Variants in IMMP2L observed in about 807,000 individuals in gnomAD.
IMMP2L encodes inner mitochondrial membrane peptidase subunit 2.
In IMMP2L, 18 loss-of-function variants were observed where a neutral mutation model predicts 19.3. The observed-to-expected ratio is 0.93, with a 90% CI of 0.64 to 1.38. The LOEUF is 1.38. Among genes scored for constraint, IMMP2L ranks in the 40% most tolerant of loss-of-function variants. IMMP2L has a pLI of 0.00. For synonymous variants in IMMP2L, 76 were observed against 73.0 expected (o/e 1.04, Z -0.21); for missense variants, 233 against 218.2 (o/e 1.07, Z -0.43).
rs1184981657 is a variant in IMMP2L, at chr7:111,516,692, CA to C, written c.135+4620del. ...GAACACACGTTTGTTGCTATAAATA[CA>C]AAGTCTCTATTAATGACAGGTTACA... On this transcript the variant is annotated intron_variant, in intron 2 of 5. Coordinates refer to ENST00000405709, the MANE Select transcript of IMMP2L (RefSeq NM_032549.4). Among the ~76,000 whole-genome samples, 6 of 152,176 alleles carry C rather than the reference CA, an allele frequency of 3.9e-5. No homozygotes were observed. In the East Asian group the frequency reaches 1.2e-3, roughly 29 times the overall value.
chr7:111,008,202 C>A (rs2129562835), intron 3 of IMMP2L, among the ~76,000 whole-genome samples: 1 of 152,106 alleles, frequency 6.6e-6, no homozygotes, highest in East Asian at 1.9e-4. Context: ...TTGTTATATT[C>A]CTTTGCTCAC....
At chr7:110,963,439 T>C (rs1819177476) in intron 4 of IMMP2L, 61 bp downstream of exon 4, 3 of 1,170,344 alleles carry the variant, frequency 2.6e-6, no homozygotes, top group South Asian at 1.4e-5. Flanking sequence ...TCCCAAGTAA[T>C]GTAGGTAACA....
At chr7:111,137,133 G>C (rs1268529329) in intron 3 of IMMP2L, among the ~76,000 whole-genome samples, 1 of 152,054 alleles carries the variant, frequency 6.6e-6, no homozygotes, top group African/African-American at 2.4e-5. Context: ...AAAATATGGT[G>C]GGTTAGTTCA....
Position 111,281,210 on chromosome 7 carries a change from GAAAGAAAAAGAAAGAAAGAAAGAAAGAAA to G in IMMP2L, c.239+205999_239+206027del, listed in dbSNP as rs1819795679. ...AGAAAGAAAGAAAGAAAGAAAGAAA[GAAAGAAAAAGAAAGAAAGAAAGAAAGAAA>G]GAAAGAAGAGAGAGAGAGAAAGAGA... On this transcript the variant is annotated intron_variant, in intron 3 of 5. Transcript: ENST00000405709. 2.9e-4 allele frequency among the ~76,000 whole-genome samples: 13 copies of G among 45,178 alleles called. 1 individual carries two copies. The highest frequency in any genetic ancestry group is 1.0e-3 in the African/African-American group (12 of 11,792). 29.6% of individuals were successfully genotyped at this position (45,178 alleles called of 152,430 possible).
rs564332758 is a variant in IMMP2L at position 110,853,376 on chromosome 7, G to T, written c.408+33217C>A. Reference sequence around the variant, plus strand: ...TAATGTGTATACACCTTAATCTCTAGATTGTGTGTTCATGAGCTTTTATTC... The same window carrying T: ...TAATGTGTATACACCTTAATCTCTATATTGTGTGTTCATGAGCTTTTATTC... On this transcript the variant is annotated intron_variant, in intron 5 of 5. Transcript: ENST00000405709. Among the ~76,000 whole-genome samples, 7 of 152,072 alleles carry T rather than the reference G, an allele frequency of 4.6e-5. No individual in the cohort carries two copies. The South Asian group carries it at 1.5e-3, about 32-fold the overall frequency.
intron 2 of IMMP2L, among the ~76,000 whole-genome samples, chr7:111,506,115 A>G (rs1295093410): frequency 2.6e-5 from 4 of 151,788 alleles, no homozygotes; most frequent in African/African-American, 9.7e-5. Context: ...CAAAAATTTT[A>G]AAAATTAGCT....
chr7:110,830,266 C>A (rs190792007), intron 5 of IMMP2L, among the ~76,000 whole-genome samples: 1 of 152,144 alleles, frequency 6.6e-6, no homozygotes, highest in East Asian at 1.9e-4. Flanking sequence ...GCCTTTTTAG[C>A]AATAGTGAGG....
chr7:110,780,223 A>G (rs1799645337), intron 5 of IMMP2L, among the ~76,000 whole-genome samples: 2 of 151,396 alleles, frequency 1.3e-5, no homozygotes. Flanking sequence ...CCAAATTGGT[A>G]TTCAGGAAAT....
chr7:111,407,826 A>C (rs1834027910), intron 3 of IMMP2L, among the ~76,000 whole-genome samples: 2 of 152,042 alleles, frequency 1.3e-5, no homozygotes, highest in African/African-American at 4.8e-5. Flanking sequence ...ATAAAGACAT[A>C]AAAAAGAAAA....
rs1469413967 is a variant in IMMP2L at position 110,792,180 on chromosome 7, C to T, written c.408+94413G>A. On this transcript the variant is annotated intron_variant, in intron 5 of 5. Transcript: ENST00000405709. Reference sequence around the variant, plus strand: ...GAGAGGCAGACAGGTTTGACACGTGCACCCTCTACCCTTAGCTTGTTGAAT... The same window carrying T: ...GAGAGGCAGACAGGTTTGACACGTGTACCCTCTACCCTTAGCTTGTTGAAT... Among the ~76,000 whole-genome samples, 4 of 151,770 alleles carry T rather than the reference C, an allele frequency of 2.6e-5. No individual in the cohort carries two copies. The East Asian group carries it at 7.7e-4, about 29-fold the overall frequency.
intron 4 of IMMP2L, among the ~76,000 whole-genome samples, chr7:110,920,839 T>C (rs1382414841): frequency 1.3e-5 from 2 of 152,180 alleles, no homozygotes; most frequent in African/African-American, 4.8e-5. Flanking sequence ...TGAGTTCGCA[T>C]ACACCTTTCA....
rs1825623967 is a variant in IMMP2L at position 111,016,691 on chromosome 7, T to G, written c.240-53126A>C. Among the ~76,000 whole-genome samples, 8 of 103,964 alleles carry G rather than the reference T, an allele frequency of 7.7e-5. No homozygotes were observed. The South Asian group carries it at 2.2e-3, about 28-fold the overall frequency. The allele number at this position is 103,964 out of a possible 152,430, so 68.2% of individuals were successfully genotyped here. ...AACATATATAATATATAAATTATAT[T>G]TCTATATTATATATAATTTTATATA... is the stretch of plus-strand genomic sequence containing the variant. On this transcript the variant is annotated intron_variant, in intron 3 of 5. Transcript: ENST00000405709.
Position 110,746,932 on chromosome 7 carries a change from A to G in IMMP2L, c.409-83211T>C, listed in dbSNP as rs369614759. Among the ~76,000 whole-genome samples, 16 of 152,322 alleles carry G rather than the reference A, an allele frequency of 1.1e-4. No homozygotes were observed. The East Asian group carries it at 2.9e-3, about 28-fold the overall frequency. The stretch of plus-strand genomic sequence containing the variant: ...CAGAACTGAAGGAGACAGAGACACA[A>G]AAAACCCTTCAAAAAAATCAGTGAA... On this transcript the variant is annotated intron_variant, in intron 5 of 5. Transcript: ENST00000405709.
intron 2 of IMMP2L, among the ~76,000 whole-genome samples, chr7:111,493,935 G>C (rs1368259993): frequency 3.3e-5 from 5 of 151,434 alleles, no homozygotes; most frequent in African/African-American, 1.2e-4. Flanking sequence ...AGGAGGCGGG[G>C]CTTGCAGTGA....
At chr7:111,047,408 G>T (rs751274743) in intron 3 of IMMP2L, among the ~76,000 whole-genome samples, 1 of 152,020 alleles carries the variant, frequency 6.6e-6, no homozygotes, top group African/African-American at 2.4e-5. Flanking sequence ...GGCTGGTCTC[G>T]AACTCCTGAC....
chr7:110,677,676 G>T (rs1490349540), intron 5 of IMMP2L, among the ~76,000 whole-genome samples: 1 of 152,056 alleles, frequency 6.6e-6, no homozygotes, highest in African/African-American at 2.4e-5. Context: ...GAACTATGCT[G>T]AAGGCAAACA....
chr7:111,479,061 A>G (rs1321642957), intron 3 of IMMP2L, among the ~76,000 whole-genome samples: 2 of 152,180 alleles, frequency 1.3e-5, no homozygotes, highest in African/African-American at 2.4e-5. Context: ...AAGAATTCCA[A>G]TGAAAAGCTT....
At chr7:111,445,857 G>A (rs1838321799) in intron 3 of IMMP2L, among the ~76,000 whole-genome samples, 1 of 152,220 alleles carries the variant, frequency 6.6e-6, no homozygotes, top group Admixed American at 6.5e-5. Context: ...CGCGCACCGT[G>A]CGTGAGCCGA....
chr7:110,968,152 C>T (rs139173530), intron 3 of IMMP2L, among the ~76,000 whole-genome samples: 2 of 151,952 alleles, frequency 1.3e-5, no homozygotes, highest in African/African-American at 4.8e-5. Context: ...AGGCAAGCTA[C>T]ATAACCTATC....
Sources: allele counts gnomAD v4.1 joint callset (sites outside exome capture counted in the v4.1 genomes callset), GRCh38; gene constraint gnomAD v4.1.1; transcripts MANE v1.5; gene names NCBI Gene and HGNC (gene_info 2026-07-23, HGNC 2026-07-21).